Variants in CDH12 observed in about 807,000 individuals in gnomAD.
CDH12 encodes the protein cadherin-12.
CDH12 carries 41 observed loss-of-function variants against 74.1 expected under a neutral mutation model. The observed-to-expected ratio is 0.55, with a 90% CI of 0.43 to 0.72. The LOEUF is 0.72. CDH12 is among the 30% of genes least tolerant of loss of function. The pLI, the probability that CDH12 is intolerant of heterozygous loss-of-function variation, is 0.00. For missense variants in CDH12, 945 were observed against 977.2 expected (o/e 0.97, Z 0.44); for synonymous variants, 399 against 355.0 (o/e 1.12, Z -1.39).
intron 6 of CDH12, among the ~76,000 whole-genome samples, chr5:21,899,054 C>T (rs780316655): frequency 3.3e-5 from 5 of 152,184 alleles, no homozygotes; most frequent in Non-Finnish European, 5.9e-5. Flanking sequence ...TTAGTTCTTA[C>T]TCTCCTTCCC....
At chr5:21,930,979 G>C (rs145604661) in intron 6 of CDH12, among the ~76,000 whole-genome samples, 306 of 152,212 alleles carry the variant, frequency 2.0e-3, no homozygotes, top group Middle Eastern at 0.014. Flanking sequence ...GAAGATCATG[G>C]GGAGCTGGGG....
chr5:21,853,301 C>T (rs932994536), intron 7 of CDH12, among the ~76,000 whole-genome samples: 2 of 151,508 alleles, frequency 1.3e-5, no homozygotes, highest in Admixed American at 6.6e-5. Context: ...AAAACTCTAT[C>T]GAAATCAGAG....
intron 3 of CDH12, among the ~76,000 whole-genome samples, chr5:22,301,735 G>C (rs766184191): frequency 6.6e-6 from 1 of 151,876 alleles, no homozygotes; most frequent in Non-Finnish European, 1.5e-5. Flanking sequence ...GGGTTCAAGA[G>C]ATCCTCCCAC....
intron 1 of CDH12, among the ~76,000 whole-genome samples, chr5:22,838,326 C>A (rs963592339): frequency 6.6e-6 from 1 of 152,118 alleles, no homozygotes; most frequent in African/African-American, 2.4e-5. Flanking sequence ...GATTTTCTTG[C>A]CAACTTTGAC....
chr5:22,325,145 C>T (rs1474121824), intron 3 of CDH12, among the ~76,000 whole-genome samples: 4 of 152,066 alleles, frequency 2.6e-5, no homozygotes, highest in Non-Finnish European at 5.9e-5. Flanking sequence ...TAAAGATCTG[C>T]GAGTATAACA....
chr5:21,765,634 A>G (rs1744981759), intron 11 of CDH12, among the ~76,000 whole-genome samples: 1 of 152,054 alleles, frequency 6.6e-6, no homozygotes, highest in South Asian at 2.1e-4. Context: ...GATTATGGAA[A>G]GCTAGTATAC....
At chr5:22,292,812 TAC>T in intron 3 of CDH12, among the ~76,000 whole-genome samples, 1 of 152,168 alleles carries the variant, frequency 6.6e-6, no homozygotes, top group African/African-American at 2.4e-5. Flanking sequence ...TGTAAATTAG[TAC>T]AGACACTATG....
intron 10 of CDH12, among the ~76,000 whole-genome samples, chr5:21,791,003 A>G (rs1480952175): frequency 1.3e-5 from 2 of 151,972 alleles, no homozygotes; most frequent in African/African-American, 2.4e-5. Context: ...ACCTTGTGAG[A>G]CTTAGCAAGC....
At chr5:22,474,650 C>G (rs560956161) in intron 2 of CDH12, among the ~76,000 whole-genome samples, 116 of 152,200 alleles carry the variant, frequency 7.6e-4, no homozygotes, top group African/African-American at 2.5e-3. Context: ...ACCAGAGAGA[C>G]AGATAGCCTT....
In CDH12 at chr5:22,127,536, G is replaced by C. The variant is rs1358385778; in HGVS notation, c.-186-48674C>G. ...AAGAAGTAATTAAATGGTAAGGAAAGAATAGGTCAGGACAGGAATCCAGGA... is the reference window on the plus strand; with the variant it reads ...AAGAAGTAATTAAATGGTAAGGAAACAATAGGTCAGGACAGGAATCCAGGA... On this transcript the variant is annotated intron_variant, in intron 4 of 14. Transcript: ENST00000382254. Among the ~76,000 whole-genome samples the C allele has an allele frequency of 4.7e-5, 7 of 148,630 alleles. No individual in the cohort carries two copies. The East Asian group carries it at 1.4e-3, about 29-fold the overall frequency.
At chr5:22,610,655 A>G (rs993429427) in intron 1 of CDH12, among the ~76,000 whole-genome samples, 2 of 152,048 alleles carry the variant, frequency 1.3e-5, no homozygotes, top group Admixed American at 1.3e-4. Flanking sequence ...ATTCAGCTCA[A>G]TTATGAAACA....
At chr5:22,513,951 G>GAAAAAAA (rs34448733) in intron 1 of CDH12, among the ~76,000 whole-genome samples, 1 of 100,538 alleles carries the variant, frequency 9.9e-6, no homozygotes, top group Non-Finnish European at 2.0e-5. Flanking sequence ...TCCGTGTCAG[G>GAAAAAAA]AAAAAAAAAA....
chr5:22,575,968 C>G (rs1739769843), intron 1 of CDH12, among the ~76,000 whole-genome samples: 1 of 152,030 alleles, frequency 6.6e-6, no homozygotes, highest in East Asian at 1.9e-4. Flanking sequence ...AAGTGATCCT[C>G]CCACCTCAGC....
At chr5:21,918,218 T>G (rs779127494) in intron 6 of CDH12, among the ~76,000 whole-genome samples, 10 of 152,146 alleles carry the variant, frequency 6.6e-5, no homozygotes, top group Non-Finnish European at 1.2e-4. Context: ...ACTTTATTAT[T>G]AATCACAGCA....
intron 3 of CDH12, among the ~76,000 whole-genome samples, chr5:22,368,721 G>A (rs1028340549): frequency 6.6e-6 from 1 of 152,068 alleles, no homozygotes; most frequent in Non-Finnish European, 1.5e-5. Flanking sequence ...TGACATAAAT[G>A]CTTGATGATT....
intron 4 of CDH12, among the ~76,000 whole-genome samples, chr5:22,195,769 G>A (rs1750579277): frequency 6.6e-6 from 1 of 152,134 alleles, no homozygotes; most frequent in Non-Finnish European, 1.5e-5. Context: ...CTCTGCAAAA[G>A]AGAGCATGTT....
chr5:21,880,435 TTTCCTTCCTTCTTTCCTTCC>T (rs1187175981), intron 6 of CDH12, among the ~76,000 whole-genome samples: 2 of 149,750 alleles, frequency 1.3e-5, no homozygotes, highest in African/African-American at 5.0e-5. Flanking sequence ...ATACAATGCT[TTTCCTTCCTTCTTTCCTTCC>T]TTCCTTCCTT....
At chr5:21,767,137 A>T (rs1487871683) in intron 11 of CDH12, among the ~76,000 whole-genome samples, 3 of 151,940 alleles carry the variant, frequency 2.0e-5, no homozygotes, top group African/African-American at 7.2e-5. Flanking sequence ...TGGGTAATGT[A>T]AAACTCAGTT....
chr5:22,027,382 AGG>A (rs1183244044), intron 5 of CDH12, among the ~76,000 whole-genome samples: 33 of 152,192 alleles, frequency 2.2e-4, no homozygotes, highest in Admixed American at 2.2e-3. Context: ...TAGTTTCAGA[AGG>A]AATGGTACCA....
Sources: allele counts gnomAD v4.1 joint callset (sites outside exome capture counted in the v4.1 genomes callset), GRCh38; gene constraint gnomAD v4.1.1; transcripts MANE v1.5; gene names NCBI Gene and HGNC (gene_info 2026-07-23, HGNC 2026-07-21).